Variants in CNTN4 observed in about 807,000 individuals in gnomAD.
CNTN4 encodes the protein contactin-4.
Under a neutral mutation model 122.5 loss-of-function variants are expected in CNTN4, and 77 were observed. The ratio of observed to expected loss-of-function variants is 0.63; its 90% CI spans 0.52 to 0.76. The LOEUF (loss-of-function observed/expected upper bound fraction) is 0.76. Ranked by LOEUF, CNTN4 falls within the 30% of genes least tolerant of loss-of-function variation. The pLI is 0.00. For synonymous variants in CNTN4, 512 were observed against 447.0 expected, an observed-to-expected ratio of 1.15 and a Z score of -1.83; for missense variants, 1,256 against 1,259.1, an observed-to-expected ratio of 1.00 and a Z score of 0.04.
chr3:2,245,970 G>A (rs1486508722), intron 2 of CNTN4, among the ~76,000 whole-genome samples: 2 of 151,894 alleles, frequency 1.3e-5, no homozygotes, highest in East Asian at 3.9e-4. Context: ...AGATACATCT[G>A]TGTGCACACA....
intron 6 of CNTN4, among the ~76,000 whole-genome samples, chr3:2,747,747 C>T (rs970577580): frequency 1.3e-5 from 2 of 152,180 alleles, no homozygotes; most frequent in African/African-American, 4.8e-5. Context: ...TCCTCCCACC[C>T]TCAAAATCCT....
At chr3:2,492,176 A>G (rs1053644378) in intron 3 of CNTN4, among the ~76,000 whole-genome samples, 2 of 152,218 alleles carry the variant, frequency 1.3e-5, no homozygotes, top group South Asian at 2.1e-4. Flanking sequence ...CTTTTATACA[A>G]TGGCTGCTTA....
At chr3:2,696,793 A>G (rs918242286) in intron 4 of CNTN4, among the ~76,000 whole-genome samples, 9 of 152,188 alleles carry the variant, frequency 5.9e-5, no homozygotes, top group African/African-American at 1.9e-4. Flanking sequence ...TTCTCATTAT[A>G]CTATTGATAT....
At chr3:2,813,126 A>C (rs1202221820) in intron 6 of CNTN4, among the ~76,000 whole-genome samples, 2 of 152,250 alleles carry the variant, frequency 1.3e-5, no homozygotes, top group Non-Finnish European at 2.9e-5. Flanking sequence ...AGCAAATGGC[A>C]GAGAGTCAAG....
intron 2 of CNTN4, among the ~76,000 whole-genome samples, chr3:2,259,382 G>A (rs1575194259): frequency 6.6e-6 from 1 of 152,094 alleles, no homozygotes; most frequent in Non-Finnish European, 1.5e-5. Flanking sequence ...TACATGATGG[G>A]GAAACTAATC....
At chr3:2,513,308 A>G (rs934295454) in intron 3 of CNTN4, among the ~76,000 whole-genome samples, 27 of 152,200 alleles carry the variant, frequency 1.8e-4, no homozygotes, top group African/African-American at 6.0e-4. Context: ...ATATTTTTAA[A>G]TAACTGTTAG....
At chr3:3,028,276 A>T (rs1463664158) in intron 15 of CNTN4, among the ~76,000 whole-genome samples, 2 of 152,206 alleles carry the variant, frequency 1.3e-5, no homozygotes, top group Non-Finnish European at 2.9e-5. Context: ...AAATAAGCAG[A>T]TGCTGTTGTT....
chr3:2,116,845 C>T (rs1402551799), intron 2 of CNTN4, among the ~76,000 whole-genome samples: 6 of 152,200 alleles, frequency 3.9e-5, no homozygotes, highest in East Asian at 3.9e-4. Flanking sequence ...TAGAATAATC[C>T]GGTTAATCGA....
At chr3:2,124,465 C>CAA (rs1028644129) in intron 2 of CNTN4, among the ~76,000 whole-genome samples, 15 of 148,890 alleles carry the variant, frequency 1.0e-4, no homozygotes, top group Middle Eastern at 3.5e-3. Flanking sequence ...CACACACACA[C>CAA]ACACACACCC....
Position 2,841,560 on chromosome 3 carries a change from C to A in CNTN4, c.454+21979C>A, listed in dbSNP as rs540158485. Among the ~76,000 whole-genome samples the A allele has an allele frequency of 6.6e-6, 1 of 152,310 alleles. No individual in the cohort carries two copies. The highest frequency in any genetic ancestry group is 2.1e-4 in the South Asian group (1 of 4,824). On this transcript the variant is annotated intron_variant, in intron 7 of 24. Coordinates refer to ENST00000418658, the MANE Select transcript of CNTN4 (RefSeq NM_175607.3). This position sits in a 1 kb window ranked among gnomAD's most constrained non-coding sequence, Gnocchi z 4.8. ...TTTATTATTCCCAATCGGGCTCCAA[C>A]CCTCAAACTATATTTGGCCATTGGC... is the stretch of plus-strand genomic sequence containing the variant.
intron 2 of CNTN4, among the ~76,000 whole-genome samples, chr3:2,252,538 T>A (rs1227103986): frequency 6.6e-6 from 1 of 152,068 alleles, no homozygotes; most frequent in Non-Finnish European, 1.5e-5. Flanking sequence ...AGAAGAGATT[T>A]ATTGGAAAGC....
chr3:2,818,378 G>A (rs866877467), intron 6 of CNTN4, among the ~76,000 whole-genome samples: 1 of 152,110 alleles, frequency 6.6e-6, no homozygotes, highest in African/African-American at 2.4e-5. Flanking sequence ...TTGTTGTTAG[G>A]AGTACATGAG....
At chr3:2,890,651 C>G (rs1010523812) in intron 10 of CNTN4, among the ~76,000 whole-genome samples, 2 of 152,198 alleles carry the variant, frequency 1.3e-5, no homozygotes, top group African/African-American at 4.8e-5. Flanking sequence ...CAAAAGCCTA[C>G]TAGGCATGAT....
chr3:2,943,633 T>TTTTA (rs2094640974), intron 13 of CNTN4, among the ~76,000 whole-genome samples: 1 of 145,026 alleles, frequency 6.9e-6, no homozygotes, highest in Admixed American at 6.9e-5. Flanking sequence ...TATATATATT[T>TTTTA]TTTTTTTTTG....
At position 3,037,307 on chromosome 3, in the gene CNTN4, A is replaced by T; in HGVS notation, c.2071A>T (p.Lys691Ter). The T allele has an allele frequency of 6.2e-7, 1 of 1,614,172 alleles. No homozygotes were observed. Among genetic ancestry groups the T allele is most frequent in the South Asian group, 1.1e-5 (1 of 91,074 alleles). The change falls in exon 18 of 25, where the codon AAA (lysine) becomes TAA (stop). Residue 691 changes from lysine (K) to a stop codon, truncating the protein, a stop_gained. Transcript: ENST00000418658. LOFTEE classifies it high-confidence loss of function. ...TGGGGAGCCCAGCCGCCCCTCAGAG[A>T]AACGGAGAACAGAAGAAGCTCGTGA... is the stretch of plus-strand genomic sequence containing the variant. ...GIGEPSRPSE[K>*]RRTEEALPEV... is the part of the protein sequence containing the mutation.
At chr3:2,942,281 A>G (rs1056166209) in intron 13 of CNTN4, among the ~76,000 whole-genome samples, 2 of 152,236 alleles carry the variant, frequency 1.3e-5, no homozygotes, top group Admixed American at 1.3e-4. Flanking sequence ...ATAATGGAGA[A>G]TTGTCAGTAG....
intron 8 of CNTN4, among the ~76,000 whole-genome samples, chr3:2,870,585 G>A (rs1363793277): frequency 6.6e-6 from 1 of 152,132 alleles, no homozygotes; most frequent in Non-Finnish European, 1.5e-5. Flanking sequence ...GGGATTTGGT[G>A]ACTGTATATT....
At chr3:2,173,909 A>T (rs572169078) in intron 2 of CNTN4, among the ~76,000 whole-genome samples, 1 of 152,338 alleles carries the variant, frequency 6.6e-6, no homozygotes, top group Admixed American at 6.5e-5. Context: ...ATAATTTCTC[A>T]AAGAGGGTAG....
intron 6 of CNTN4, among the ~76,000 whole-genome samples, chr3:2,752,359 GTTGTTTT>G (rs899757377): frequency 2.0e-5 from 3 of 152,080 alleles, no homozygotes; most frequent in African/African-American, 7.2e-5. Flanking sequence ...TTGGTTTTTT[GTTGTTTT>G]TTGTTTGTGT....
Sources: allele counts gnomAD v4.1 joint callset (sites outside exome capture counted in the v4.1 genomes callset), GRCh38; gene constraint gnomAD v4.1.1; non-coding constraint Gnocchi (gnomAD v3.1); transcripts MANE v1.5; gene names NCBI Gene and HGNC (gene_info 2026-07-23, HGNC 2026-07-21).